FOCAD: variants seen among roughly 807,000 people sequenced by gnomAD.
FOCAD encodes the protein KIAA1797.
Under a neutral mutation model 225.6 loss-of-function variants are expected in FOCAD, and 198 were observed. That is an observed-to-expected ratio of 0.88 (90% CI 0.78 to 0.99). The LOEUF (loss-of-function observed/expected upper bound fraction) is 0.99. FOCAD is among the 50% of genes least tolerant of loss of function. The pLI, the probability that FOCAD is intolerant of heterozygous loss-of-function variation, is 0.00. For synonymous variants in FOCAD, 897 were observed against 755.0 expected, an observed-to-expected ratio of 1.19 and a Z score of -3.08; for missense variants, 2,713 against 2,123.6, an observed-to-expected ratio of 1.28 and a Z score of -5.46.
intron 21 of FOCAD, among the ~76,000 whole-genome samples, chr9:20,899,865 G>A (rs1027280996): frequency 6.6e-6 from 1 of 151,688 alleles, no homozygotes; most frequent in African/African-American, 2.4e-5. Flanking sequence ...AGTTTGATTT[G>A]GGTTTGGCCT....
rs770432264 is a variant in FOCAD, at chr9:20,770,224, G to GA, written c.894dup (p.Leu299ThrfsTer9). Reference sequence around the variant, plus strand: ...AATTCACCTTTTAGAGCACAGTGTTGAACTTCTGAAGGAGGTAAGGATAGT... The same window carrying GA: ...AATTCACCTTTTAGAGCACAGTGTTGAAACTTCTGAAGGAGGTAAGGATAGT... On this transcript the variant is annotated frameshift_variant, in exon 8 of 44. Coordinates refer to ENST00000338382, the MANE Select transcript of FOCAD (RefSeq NM_001375567.1). LOFTEE classifies it high-confidence loss of function. The GA allele has an allele frequency of 6.2e-7, 1 of 1,613,706 alleles. No homozygotes were observed. Among genetic ancestry groups the GA allele is most frequent in the Non-Finnish European group, 8.5e-7 (1 of 1,179,856 alleles).
At chr9:20,945,152 A>G (rs1409364811) in intron 29 of FOCAD, among the ~76,000 whole-genome samples, 1 of 152,256 alleles carries the variant, frequency 6.6e-6, no homozygotes, top group Non-Finnish European at 1.5e-5. Context: ...CTGCTGATCA[A>G]AAGGCGTTTG....
At chr9:20,884,464 T>A (rs1358180166) in intron 20 of FOCAD, among the ~76,000 whole-genome samples, 1 of 151,906 alleles carries the variant, frequency 6.6e-6, no homozygotes, top group Non-Finnish European at 1.5e-5. Context: ...GCCTGGCTAA[T>A]TTTTGCGTTT....
chr9:20,815,137 G>GTTTTTTTTTTTTTTTTTTT (rs71334555), intron 11 of FOCAD, among the ~76,000 whole-genome samples: 10 of 69,114 alleles, frequency 1.4e-4, no homozygotes, highest in African/African-American at 5.4e-4. Flanking sequence ...TTTTTTTTTT[G>GTTTTTTTTTTTTTTTTTTT]TTTTTTTTTT....
intron 35 of FOCAD, among the ~76,000 whole-genome samples, chr9:20,969,826 C>T (rs1839607075): frequency 6.6e-6 from 1 of 151,408 alleles, no homozygotes; most frequent in Admixed American, 6.6e-5. Context: ...ATCTAGATTA[C>T]TATTTAGTGT....
At chr9:20,922,837 G>C (rs1834574450) in intron 24 of FOCAD, among the ~76,000 whole-genome samples, 1 of 152,216 alleles carries the variant, frequency 6.6e-6, no homozygotes, top group South Asian at 2.1e-4. Context: ...TAGAGCATCT[G>C]ATTGGTGTCC....
intron 21 of FOCAD, among the ~76,000 whole-genome samples, chr9:20,896,549 C>A (rs1299871610): frequency 1.3e-5 from 2 of 151,732 alleles, no homozygotes; most frequent in Non-Finnish European, 2.9e-5. Flanking sequence ...TAGATACAGG[C>A]CTATTCAAAT....
At chr9:20,777,297 C>T in intron 8 of FOCAD, among the ~76,000 whole-genome samples, 2 of 132,708 alleles carry the variant, frequency 1.5e-5, no homozygotes, top group Admixed American at 8.1e-5. Context: ...TCCTTTTTTT[C>T]CTGTGGGTTT....
intron 4 of FOCAD, among the ~76,000 whole-genome samples, chr9:20,737,522 T>C (rs1169720785): frequency 3.9e-5 from 6 of 152,214 alleles, no homozygotes; most frequent in African/African-American, 1.4e-4. Flanking sequence ...GCCTGGCCTT[T>C]CTTCAGTGGT....
In FOCAD at chr9:20,755,203, A is replaced by G. The variant is rs576411929; in HGVS notation, c.393-2887A>G. Among the ~76,000 whole-genome samples, 16 of 152,346 alleles carry G rather than the reference A, an allele frequency of 1.1e-4. No individual in the cohort carries two copies. The East Asian group carries it at 1.2e-3, about 11-fold the overall frequency. On this transcript the variant is annotated intron_variant, in intron 5 of 43. Coordinates refer to ENST00000338382, the MANE Select transcript of FOCAD (RefSeq NM_001375567.1). ...TTGCCACTCAGTTCTGACATAATCA[A>G]TTATTTGGAAAACTTAATTATCCAG... is the stretch of plus-strand genomic sequence containing the variant.
chr9:20,810,229 T>C (rs918327069), intron 11 of FOCAD, among the ~76,000 whole-genome samples: 5 of 152,136 alleles, frequency 3.3e-5, no homozygotes, highest in Non-Finnish European at 5.9e-5. Flanking sequence ...ATGGGTTCTT[T>C]GGGAAATCTG....
intron 21 of FOCAD, among the ~76,000 whole-genome samples, chr9:20,905,793 T>A (rs991378797): frequency 2.0e-5 from 3 of 152,020 alleles, no homozygotes; most frequent in African/African-American, 7.2e-5. Flanking sequence ...GGAGGACTCA[T>A]TCCTTCAAGG....
At chr9:20,977,098 C>T (rs188501765) in intron 36 of FOCAD, among the ~76,000 whole-genome samples, 2 of 152,250 alleles carry the variant, frequency 1.3e-5, no homozygotes, top group African/African-American at 4.8e-5. Context: ...AGAAGCTGCC[C>T]ACATTCTTTG....
intron 5 of FOCAD, among the ~76,000 whole-genome samples, chr9:20,745,264 C>T (rs1343414988): frequency 4.6e-5 from 7 of 152,052 alleles, no homozygotes; most frequent in South Asian, 4.2e-4. Context: ...TGCGACACTA[C>T]GCCCTGCTAA....
intron 41 of FOCAD, 147 bp from the exon 42 acceptor site, chr9:20,989,976 C>A: frequency 1.2e-6 from 1 of 815,482 alleles, no homozygotes; most frequent in Non-Finnish European, 2.0e-6. Context: ...CAGTTCAGTT[C>A]CTCTTCTGGG....
intron 5 of FOCAD, among the ~76,000 whole-genome samples, 180 bp from the exon 6 acceptor site, chr9:20,757,910 A>G (rs1829204353): frequency 6.6e-6 from 1 of 152,054 alleles, no homozygotes; most frequent in African/African-American, 2.4e-5. Flanking sequence ...GGCAGGGGGG[A>G]GAGTCAGTTC....
At chr9:20,794,342 T>A (rs147609665) in intron 11 of FOCAD, among the ~76,000 whole-genome samples, 366 of 152,290 alleles carry the variant, frequency 2.4e-3, no homozygotes, top group African/African-American at 8.5e-3. Flanking sequence ...AAAATGTGAT[T>A]GCCATAGTGT....
rs1841513781 is a variant in FOCAD, at chr9:20,990,109, T to C, written c.5005-14T>C. On this transcript the variant is annotated splice_polypyrimidine_tract_variant and intron_variant, in intron 41 of 43. Coordinates refer to ENST00000338382, the MANE Select transcript of FOCAD (RefSeq NM_001375567.1). ...AAAAAATATGACCTAACGTCATTTC[T>C]ATTTTCATCGTAGGCTTTGGACTTC... is the stretch of plus-strand genomic sequence containing the variant. 3.7e-6 allele frequency: 6 copies of C among 1,613,510 alleles called. No individual in the cohort carries two copies. Among genetic ancestry groups the C allele is most frequent in the Non-Finnish European group, 5.1e-6 (6 of 1,179,482 alleles).
chr9:20,706,919 C>G (rs1824435071), intron 1 of FOCAD, among the ~76,000 whole-genome samples: 1 of 152,142 alleles, frequency 6.6e-6, no homozygotes, highest in South Asian at 2.1e-4. Flanking sequence ...GTGGTTGTGT[C>G]TAGGCTGTTG....
Sources: gnomAD v4.1 joint callset for allele counts (sites outside exome capture counted in the v4.1 genomes callset) on GRCh38, gnomAD v4.1.1 for gene constraint, MANE v1.5 for transcripts, NCBI Gene and HGNC (gene_info 2026-07-23, HGNC 2026-07-21) for gene names.